SGCG: variants seen among roughly 807,000 people sequenced by gnomAD.
The protein encoded by SGCG is sarcoglycan gamma, also known as gamma-sarcoglycan.
SGCG carries 26 observed loss-of-function variants against 29.3 expected under a neutral mutation model. The ratio of observed to expected loss-of-function variants is 0.89; its 90% confidence interval spans 0.65 to 1.23. SGCG has a LOEUF of 1.23. Among genes scored for constraint, SGCG ranks in the 50% most tolerant of loss-of-function variants. The pLI is 0.00. For missense variants in SGCG, 353 were observed against 356.0 expected, an observed-to-expected ratio of 0.99 and a Z score of 0.07; for synonymous variants, 145 against 129.7, an observed-to-expected ratio of 1.12 and a Z score of -0.80.
intron 1 of SGCG, among the ~76,000 whole-genome samples, chr13:23,188,369 A>C (rs1877081778): frequency 8.1e-6 from 1 of 123,408 alleles, no homozygotes. Flanking sequence ...TCTGTCACCC[A>C]GTCTGGAGTG....
At chr13:23,208,948 A>AT (rs1440215337) in intron 2 of SGCG, among the ~76,000 whole-genome samples, 2 of 152,014 alleles carry the variant, frequency 1.3e-5, no homozygotes, top group Non-Finnish European at 2.9e-5. Flanking sequence ...AATGATATTG[A>AT]TTTTTTAGAA....
intron 5 of SGCG, among the ~76,000 whole-genome samples, chr13:23,281,721 G>T (rs1412018396): frequency 6.6e-6 from 1 of 152,186 alleles, no homozygotes; most frequent in African/African-American, 2.4e-5. Context: ...ACGCAACCTA[G>T]ATCCCTTACA....
At position 23,204,591 on chromosome 13, in the gene SGCG, CTTTCTTTTCTTTCTTTTCTTTCT is replaced by C. The variant is rs1877905673; in HGVS notation, c.195+710_195+732del. Among the ~76,000 whole-genome samples, 19 of 130,446 alleles carry C rather than the reference CTTTCTTTTCTTTCTTTTCTTTCT, an allele frequency of 1.5e-4. No individual in the cohort carries two copies. In the South Asian group the frequency reaches 4.9e-3, roughly 33 times the overall value. 85.6% of individuals were successfully genotyped at this position (130,446 alleles called of 152,430 possible). A position where few individuals can be genotyped will look rare whatever the true frequency, so the allele number is the denominator to read the frequency against. ...GATATATGCACAGGCTCTTTCTTTT[CTTTCTTTTCTTTCTTTTCTTTCT>C]TTTCTTTCTTTCCTTTCTTTCCTTT... On this transcript the variant is annotated intron_variant, in intron 2 of 7. Transcript: ENST00000218867.
the SGCG span, among the ~76,000 whole-genome samples, chr13:23,161,995 T>A: frequency 1.3e-5 from 2 of 152,250 alleles, no homozygotes; most frequent in South Asian, 4.1e-4. Context: ...GATAAATAGC[T>A]CATTTAATAA....
rs115380558 is a variant in SGCG at position 23,264,251 on chromosome 13, A to G, written c.385+13534A>G. 9.2e-3 allele frequency among the ~76,000 whole-genome samples: 1,399 copies of G among 152,232 alleles called. 24 individuals carry two copies. The highest frequency in any genetic ancestry group is 0.032 in the African/African-American group (1,319 of 41,534). On this transcript the variant is annotated intron_variant, in intron 4 of 7. Coordinates refer to ENST00000218867, the MANE Select transcript of SGCG (RefSeq NM_000231.3). ...GTAAAGTCTCAGGTTACAAAAATAA[A>G]TGTACACAAATTAGTAGCACTGCTA...
intron 3 of SGCG, among the ~76,000 whole-genome samples, chr13:23,235,738 T>C (rs764978150): frequency 1.3e-5 from 2 of 152,238 alleles, no homozygotes; most frequent in Non-Finnish European, 2.9e-5. Context: ...TTTCTAGTTA[T>C]GTGAAGAGCA....
chr13:23,188,867 G>A (rs1290747124), intron 1 of SGCG, among the ~76,000 whole-genome samples: 4 of 152,124 alleles, frequency 2.6e-5, no homozygotes, highest in African/African-American at 4.8e-5. Flanking sequence ...CTGGTGCCAC[G>A]CCAATCTACA....
chr13:23,291,114 A>G (rs1343228640), intron 5 of SGCG, among the ~76,000 whole-genome samples: 1 of 152,230 alleles, frequency 6.6e-6, no homozygotes, highest in Non-Finnish European at 1.5e-5. Context: ...GAATTGGACA[A>G]ACCATTTACC....
At chr13:23,166,300 G>A in the SGCG span, among the ~76,000 whole-genome samples, 181 of 152,116 alleles carry the variant, frequency 1.2e-3, no homozygotes, top group African/African-American at 3.8e-3. Flanking sequence ...AGTTCAAGTG[G>A]TTCTCCTGCC....
chr13:23,295,371 C>T (rs760723029), intron 5 of SGCG, 44 bp from the exon 6 acceptor site: 26 of 1,378,608 alleles, frequency 1.9e-5, no homozygotes, highest in Admixed American at 5.0e-5. Flanking sequence ...TTTGGTGTCA[C>T]TTATTTTACT....
chr13:23,178,045 G>A (rs530460738), upstream of SGCG, among the ~76,000 whole-genome samples: 4 of 152,276 alleles, frequency 2.6e-5, no homozygotes, highest in Admixed American at 1.3e-4. Context: ...CTGAAGGCAT[G>A]TGTGTCAGGT....
intron 4 of SGCG, 44 bp downstream of exon 4, chr13:23,250,761 T>C: frequency 9.3e-7 from 1 of 1,069,810 alleles, no homozygotes; most frequent in South Asian, 1.3e-5. Flanking sequence ...ATGTTGTCCA[T>C]GAATAGTGCT....
At chr13:23,174,519 A>G in the SGCG span, among the ~76,000 whole-genome samples, 2 of 152,254 alleles carry the variant, frequency 1.3e-5, no homozygotes, top group African/African-American at 2.4e-5. Context: ...AATCGATTCC[A>G]TATAGTAGAT....
intron 5 of SGCG, among the ~76,000 whole-genome samples, chr13:23,282,347 C>A (rs1157161410): frequency 6.6e-6 from 1 of 152,126 alleles, no homozygotes; most frequent in Non-Finnish European, 1.5e-5. Flanking sequence ...TAAACTTTTA[C>A]TTTAAGTTCA....
the SGCG span, among the ~76,000 whole-genome samples, chr13:23,170,231 G>GCTTTAT: frequency 1.3e-5 from 2 of 152,182 alleles, no homozygotes; most frequent in African/African-American, 4.8e-5. Context: ...TTTCTTTCAT[G>GCTTTAT]TTAAGGAACT....
chr13:23,172,630 A>G, the SGCG span, among the ~76,000 whole-genome samples: 31 of 152,342 alleles, frequency 2.0e-4, no homozygotes, highest in African/African-American at 7.2e-4. Flanking sequence ...TTAAGCATAG[A>G]AAGTTTATGG....
intron 4 of SGCG, among the ~76,000 whole-genome samples, chr13:23,252,703 AC>A (rs1880020315): frequency 6.9e-6 from 1 of 145,944 alleles, no homozygotes; most frequent in African/African-American, 2.6e-5. Context: ...AAAAAACAAA[AC>A]AAAACAAACA....
chr13:23,249,117 C>G (rs1479088865), intron 3 of SGCG, among the ~76,000 whole-genome samples: 1 of 151,942 alleles, frequency 6.6e-6, no homozygotes, highest in East Asian at 1.9e-4. Context: ...AAATTTGGGA[C>G]ACTTTGTAAA....
chr13:23,308,364 C>T (rs1483270171), intron 6 of SGCG, among the ~76,000 whole-genome samples: 1 of 152,144 alleles, frequency 6.6e-6, no homozygotes, highest in Non-Finnish European at 1.5e-5. Context: ...CAGTCCATTC[C>T]TTCTTTATCC....
Sources: gnomAD v4.1 joint callset for allele counts (sites outside exome capture counted in the v4.1 genomes callset) on GRCh38, gnomAD v4.1.1 for gene constraint, MANE v1.5 for transcripts, NCBI Gene and HGNC (gene_info 2026-07-23, HGNC 2026-07-21) for gene names.